Variants in ESYT3 observed in about 807,000 individuals in gnomAD.
ESYT3 encodes the protein extended synaptotagmin-3.
ESYT3 carries 101 observed loss-of-function variants against 111.5 expected under a neutral mutation model. The observed-to-expected ratio is 0.91, with a 90% CI of 0.77 to 1.07. The LOEUF (loss-of-function observed/expected upper bound fraction) is 1.07, where lower values mean the gene tolerates loss of function less well. ESYT3 is among the 50% of genes least tolerant of loss of function. The probability of loss-of-function intolerance (pLI) is 0.00; values close to 1 mark genes in which losing one functional copy is unlikely to be tolerated. For synonymous variants in ESYT3, 416 were observed against 446.8 expected, an observed-to-expected ratio of 0.93 and a Z score of 0.87; for missense variants, 1,097 against 1,109.4, an observed-to-expected ratio of 0.99 and a Z score of 0.16.
Position 138,448,022 on chromosome 3 carries a change from C to T in ESYT3, c.328-4026C>T, listed in dbSNP as rs113652981. On this transcript the variant is annotated intron_variant, in intron 1 of 22. Transcript: ENST00000389567. Reference sequence around the variant, plus strand: ...GTGGCTCATGCCTGTAATCCCAACGCGTTGGGAGGCCGAGGCTGGTGGATC... The same window carrying T: ...GTGGCTCATGCCTGTAATCCCAACGTGTTGGGAGGCCGAGGCTGGTGGATC... Among the ~76,000 whole-genome samples the T allele has an allele frequency of 6.6e-5, 10 of 151,748 alleles. 1 individual carries two copies. Among genetic ancestry groups the T allele is most frequent in the African/African-American group, 1.9e-4 (8 of 41,372 alleles).
At chr3:138,471,441 ATTTCT>A (rs2033216336) in intron 17 of ESYT3, among the ~76,000 whole-genome samples, 1 of 152,006 alleles carries the variant, frequency 6.6e-6, no homozygotes, top group Non-Finnish European at 1.5e-5. Flanking sequence ...GTGGTTTTTC[ATTTCT>A]ATTTTTATCT....
chr3:138,438,385 G>T (rs1317524161), intron 1 of ESYT3, among the ~76,000 whole-genome samples: 1 of 152,170 alleles, frequency 6.6e-6, no homozygotes, highest in African/African-American at 2.4e-5. Flanking sequence ...CCCCAGTGGG[G>T]AGGGATGGAT....
At position 138,468,176 on chromosome 3, in the gene ESYT3, C is replaced by G; in HGVS notation, c.1290C>G (p.Asp430Glu). The G allele has an allele frequency of 6.2e-7, 1 of 1,614,070 alleles. No individual in the cohort carries two copies. Among genetic ancestry groups the G allele is most frequent in the Middle Eastern group, 1.6e-4 (1 of 6,062 alleles). The change falls in exon 12 of 23, where the codon GAC becomes GAG. Residue 430 changes from aspartate (D) to glutamate (E), a missense_variant. Physicochemically the swap from Asp to Glu is conservative, Grantham distance 45 (BLOSUM62 2). Coordinates refer to ENST00000389567, the MANE Select transcript of ESYT3 (RefSeq NM_031913.5). ...TGGAGTGGCTTTCATTGCTTACTGA[C>G]CAAGAAGTTCTGACTGAGGTGAGTG... ...LRLEWLSLLT[D>E]QEVLTEDHGG...
rs1008100921 is a variant in ESYT3 at position 138,435,643 on chromosome 3, G to A, written c.327+518G>A. ...GGCTGGAGGTGGAGTGGCGGGTACG[G>A]CTGGGAGACCGACGGCGCCGGGCCC... On this transcript the variant is annotated intron_variant, in intron 1 of 22. Transcript: ENST00000389567. This position sits in a 1 kb window ranked among gnomAD's most constrained non-coding sequence, Gnocchi z 4.8. Among the ~76,000 whole-genome samples the A allele has an allele frequency of 3.4e-4, 52 of 151,936 alleles. 1 individual carries two copies. The highest frequency in any genetic ancestry group is 1.2e-3 in the African/African-American group (51 of 41,472).
chr3:138,453,166 G>A (rs1251893949), intron 2 of ESYT3, among the ~76,000 whole-genome samples: 1 of 152,182 alleles, frequency 6.6e-6, no homozygotes, highest in Non-Finnish European at 1.5e-5. Context: ...ATTCATGCAG[G>A]ACCCAGCGCC....
chr3:138,473,909 T>C (rs2033363092), intron 19 of ESYT3, among the ~76,000 whole-genome samples: 2 of 152,138 alleles, frequency 1.3e-5, no homozygotes, highest in East Asian at 3.8e-4. Flanking sequence ...AGCCAGTACA[T>C]TTTCCAAGTG....
At position 138,471,146 on chromosome 3, in the gene ESYT3, T is replaced by C. The variant is rs2033199908; in HGVS notation, c.1740+120T>C. On this transcript the variant is annotated intron_variant, in intron 17 of 22. Coordinates refer to ENST00000389567, the MANE Select transcript of ESYT3 (RefSeq NM_031913.5). ...TGGAAGAAGCCAGGAGATGGATTCA[T>C]GTTTTTCATCAATTTTGAAATACTG... 1.7e-5 allele frequency: 13 copies of C among 785,410 alleles called. No individual in the cohort carries two copies. The East Asian group carries it at 3.2e-4, about 19-fold the overall frequency. The allele number at this position is 785,410 out of a possible 1,614,324, so 48.7% of individuals were successfully genotyped here. A position where few individuals can be genotyped will look rare whatever the true frequency, so the allele number is the denominator to read the frequency against.
At chr3:138,470,272 G>A in intron 16 of ESYT3, 126 bp downstream of exon 16, 1 of 1,392,808 alleles carries the variant, frequency 7.2e-7, no homozygotes. Context: ...TTGTATGTAA[G>A]AGAGGACACT....
intron 1 of ESYT3, among the ~76,000 whole-genome samples, chr3:138,449,337 C>T (rs892517423): frequency 1.3e-5 from 2 of 152,030 alleles, no homozygotes; most frequent in Non-Finnish European, 2.9e-5. Flanking sequence ...CCACCTGCCT[C>T]GGCCTCCCAA....
chr3:138,472,164 G>GCAAA (rs1488522281), intron 17 of ESYT3, among the ~76,000 whole-genome samples, 199 bp from the exon 18 acceptor site: 1 of 152,076 alleles, frequency 6.6e-6, no homozygotes, highest in African/African-American at 2.4e-5. Flanking sequence ...CATTTCAAAG[G>GCAAA]ATGTTTGCTT....
At chr3:138,476,692 C>T (rs1392475396) in intron 22 of ESYT3, 126 bp from the exon 23 acceptor site, 2 of 1,142,556 alleles carry the variant, frequency 1.8e-6, no homozygotes, top group Non-Finnish European at 2.6e-6. Context: ...CCTGGCTGGC[C>T]AACTTACAGA....
At chr3:138,463,166 C>T (rs912758785) in intron 8 of ESYT3, among the ~76,000 whole-genome samples, 1 of 152,058 alleles carries the variant, frequency 6.6e-6, no homozygotes, top group Admixed American at 6.6e-5. Context: ...GTGATCTTGG[C>T]TTACTGCAAC....
chr3:138,469,756 C>T (rs529023131), intron 15 of ESYT3, among the ~76,000 whole-genome samples: 1 of 152,286 alleles, frequency 6.6e-6, no homozygotes, highest in African/African-American at 2.4e-5. Context: ...ATGTCCTTTC[C>T]ACCAATCATG....
rs369394112 is a variant in ESYT3 at position 138,467,552 on chromosome 3, A to G, written c.1170-9A>G. The G allele has an allele frequency of 6.6e-5, 107 of 1,613,918 alleles. 1 individual carries two copies. Among genetic ancestry groups the G allele is most frequent in the Non-Finnish European group, 8.7e-5 (103 of 1,179,996 alleles). On this transcript the variant is annotated splice_polypyrimidine_tract_variant and intron_variant, in intron 10 of 22. Transcript: ENST00000389567. ...AGCTGACCCAATCCCCTCTCCCTGT[A>G]TATTCCAGCCTGCAGATCTGCCTTG...
intron 1 of ESYT3, among the ~76,000 whole-genome samples, chr3:138,444,137 A>C (rs755856217): frequency 6.6e-6 from 1 of 152,186 alleles, no homozygotes; most frequent in African/African-American, 2.4e-5. Context: ...TCTTCTCTCT[A>C]AATTCTCATC....
rs538995075 is a variant in ESYT3 at position 138,460,658 on chromosome 3, G to A, written c.786G>A (p.Pro262=). 52 of 1,614,034 alleles carry A rather than the reference G, an allele frequency of 3.2e-5. No homozygotes were observed. The highest frequency in any genetic ancestry group is 3.8e-5 in the Non-Finnish European group (45 of 1,179,912). The change falls in exon 7 of 23, where the codon CCG becomes CCA. Residue 262 remains proline (P), a synonymous_variant. Transcript: ENST00000389567. ...WTGLTNLLDA[P]GINDVSDSLL... is the part of the protein sequence containing the mutation. ...GCCTGACCAACCTGCTGGATGCGCC[G>A]GGAATCAAGTAGGTGCCTGGGAGAG...
intron 22 of ESYT3, 44 bp downstream of exon 22, chr3:138,476,536 A>G (rs759622042): frequency 1.9e-6 from 3 of 1,594,806 alleles, no homozygotes; most frequent in Non-Finnish European, 1.7e-6. Flanking sequence ...CTGCTATTCA[A>G]GACAGTTTTC....
intron 20 of ESYT3, among the ~76,000 whole-genome samples, chr3:138,475,998 C>G (rs1412779379): frequency 6.6e-6 from 1 of 152,198 alleles, no homozygotes; most frequent in Admixed American, 6.5e-5. Flanking sequence ...GTCTGAGGCA[C>G]TTCTAGGCAA....
intron 2 of ESYT3, among the ~76,000 whole-genome samples, chr3:138,454,505 C>A (rs1414363512): frequency 6.7e-6 from 1 of 149,802 alleles, no homozygotes; most frequent in African/African-American, 2.5e-5. Context: ...TGCAGTGAGC[C>A]GAGGTCGTGC....
Sources: allele counts gnomAD v4.1 joint callset (sites outside exome capture counted in the v4.1 genomes callset), GRCh38; gene constraint gnomAD v4.1.1; non-coding constraint Gnocchi (gnomAD v3.1); transcripts MANE v1.5; gene names NCBI Gene and HGNC (gene_info 2026-07-23, HGNC 2026-07-21).